Variants in RAD51B observed in about 807,000 individuals in gnomAD.
RAD51B encodes the protein RAD51 paralog B, also known as DNA repair protein RAD51 homolog 2.
In RAD51B, 38 loss-of-function variants were observed where a neutral mutation model predicts 42.2. The observed-to-expected ratio is 0.90, with a 90% CI of 0.70 to 1.18. The LOEUF is 1.18. RAD51B is among the 50% of genes most tolerant of loss of function. RAD51B has a pLI of 0.00. For missense variants in RAD51B, 373 were observed against 400.7 expected, an observed-to-expected ratio of 0.93 and a Z score of 0.59; for synonymous variants, 154 against 145.2, an observed-to-expected ratio of 1.06 and a Z score of -0.43.
In RAD51B at chr14:68,525,143, G is replaced by A. The variant is rs559401850; in HGVS notation, c.1036+56893G>A. ...AGGCAGAAAACTCAATGTCAGTAAA[G>A]CGATGTAAGAAAGACTCAATGGGCC... On this transcript the variant is annotated intron_variant, in intron 10 of 10. Transcript: ENST00000487270. Among the ~76,000 whole-genome samples the A allele has an allele frequency of 9.8e-5, 15 of 152,350 alleles. No individual in the cohort carries two copies. In the East Asian group the frequency reaches 2.7e-3, roughly 27 times the overall value.
intron 8 of RAD51B, among the ~76,000 whole-genome samples, chr14:68,315,553 A>C (rs2082040336): frequency 6.6e-6 from 1 of 151,790 alleles, no homozygotes; most frequent in Non-Finnish European, 1.5e-5. Context: ...ACAGAGTCTC[A>C]CTCTATCACC....
intron 7 of RAD51B, among the ~76,000 whole-genome samples, chr14:68,158,674 A>G (rs1168055902): frequency 6.6e-6 from 1 of 152,252 alleles, no homozygotes; most frequent in Non-Finnish European, 1.5e-5. Flanking sequence ...GTATTATAAT[A>G]GGAGTAAAAG....
At chr14:68,400,586 A>T (rs2084072516) in intron 8 of RAD51B, among the ~76,000 whole-genome samples, 1 of 152,236 alleles carries the variant, frequency 6.6e-6, no homozygotes, top group Non-Finnish European at 1.5e-5. Context: ...CAATGGGAGC[A>T]GGAAAGCAAA....
At chr14:68,050,984 T>G (rs1226696173) in intron 7 of RAD51B, among the ~76,000 whole-genome samples, 1 of 151,724 alleles carries the variant, frequency 6.6e-6, no homozygotes, top group Non-Finnish European at 1.5e-5. Context: ...AAAAATTTGA[T>G]TGGATGAGCA....
intron 7 of RAD51B, among the ~76,000 whole-genome samples, chr14:67,931,124 T>C (rs2044716534): frequency 1.3e-5 from 2 of 152,082 alleles, no homozygotes; most frequent in Admixed American, 1.3e-4. Flanking sequence ...GGTTTCACCG[T>C]GTTAGCCAGG....
intron 7 of RAD51B, among the ~76,000 whole-genome samples, chr14:67,951,164 A>C (rs545508684): frequency 6.6e-6 from 1 of 152,356 alleles, no homozygotes; most frequent in African/African-American, 2.4e-5. Flanking sequence ...TGCTCAGTGC[A>C]TGGTTGCCAC....
chr14:68,284,577 T>C (rs2081379558), intron 7 of RAD51B, among the ~76,000 whole-genome samples: 1 of 152,150 alleles, frequency 6.6e-6, no homozygotes, highest in African/African-American at 2.4e-5. Flanking sequence ...TGGCCTCTTC[T>C]CCACAAATAT....
At chr14:68,393,005 C>T (rs1177276801) in intron 8 of RAD51B, among the ~76,000 whole-genome samples, 1 of 152,228 alleles carries the variant, frequency 6.6e-6, no homozygotes, top group Non-Finnish European at 1.5e-5. Flanking sequence ...CAGCGAGTCA[C>T]TTCTCCTTCC....
At chr14:68,335,278 CAG>C (rs373760262) in intron 8 of RAD51B, among the ~76,000 whole-genome samples, 1,236 of 122,236 alleles carry the variant, frequency 0.01, 21 homozygotes, top group African/African-American at 0.036. Flanking sequence ...GCCTGGGTGA[CAG>C]AGTGAGACCC....
intron 7 of RAD51B, among the ~76,000 whole-genome samples, chr14:68,170,631 T>A (rs894023847): frequency 6.6e-6 from 1 of 152,210 alleles, no homozygotes; most frequent in African/African-American, 2.4e-5. Context: ...ATAGTTTAGC[T>A]TATATTTTAT....
chr14:68,215,031 A>T (rs2079784899), intron 7 of RAD51B, among the ~76,000 whole-genome samples: 1 of 152,244 alleles, frequency 6.6e-6, no homozygotes, highest in Non-Finnish European at 1.5e-5. Context: ...TAGGACTTTT[A>T]GGATTTAGTT....
intron 10 of RAD51B, among the ~76,000 whole-genome samples, chr14:68,496,577 G>C (rs1446649134): frequency 6.6e-6 from 1 of 152,248 alleles, no homozygotes; most frequent in Non-Finnish European, 1.5e-5. Flanking sequence ...TGATGTTCCT[G>C]GTATGTCTGC....
chr14:68,002,703 T>G (rs1429897444), intron 7 of RAD51B, among the ~76,000 whole-genome samples: 1 of 152,206 alleles, frequency 6.6e-6, no homozygotes, highest in Non-Finnish European at 1.5e-5. Context: ...TTGATTTTTG[T>G]ATATGGTGTA....
Position 68,411,548 on chromosome 14 carries a change from C to A in RAD51B, c.957+21C>A, listed in dbSNP as rs773422232. ...GACAGGTGGGTGCTTTGACAGTATTCTCTGACTATGAAGGTCGGGGAATGA... is the reference window on the plus strand; with the variant it reads ...GACAGGTGGGTGCTTTGACAGTATTATCTGACTATGAAGGTCGGGGAATGA... On this transcript the variant is annotated intron_variant, in intron 9 of 10. Transcript: ENST00000471583. The A allele has an allele frequency of 3.7e-6, 6 of 1,602,862 alleles. No individual in the cohort carries two copies. In the Admixed American group the frequency reaches 1.0e-4, roughly 27 times the overall value.
rs141187523 is a variant in RAD51B at position 68,241,535 on chromosome 14, C to T, written c.757-50349C>T. 3.3e-3 allele frequency among the ~76,000 whole-genome samples: 497 copies of T among 151,854 alleles called. 2 individuals carry two copies. The highest frequency in any genetic ancestry group is 0.011 in the African/African-American group (466 of 41,388). On this transcript the variant is annotated intron_variant, in intron 7 of 10. Coordinates refer to ENST00000471583, the MANE Select transcript of RAD51B (RefSeq NM_133510.4). ...CCAGCTGGGCGACAGAGTGAGACTC[C>T]GTCTCAAAATATAAAAAAATAAAAA...
intron 8 of RAD51B, among the ~76,000 whole-genome samples, chr14:68,357,390 C>A (rs1450417715): frequency 1.3e-5 from 2 of 152,022 alleles, no homozygotes; most frequent in African/African-American, 4.8e-5. Flanking sequence ...AGTCTTGAAC[C>A]CCTCAAAGTC....
chr14:68,609,408 C>T (rs976910856), intron 10 of RAD51B, among the ~76,000 whole-genome samples: 1 of 152,114 alleles, frequency 6.6e-6, no homozygotes, highest in African/African-American at 2.4e-5. Flanking sequence ...AGGTCCAGGC[C>T]TTCCCACAGG....
chr14:68,482,071 C>G (rs1454428606), downstream of RAD51B, among the ~76,000 whole-genome samples: 1 of 151,974 alleles, frequency 6.6e-6, no homozygotes, highest in Non-Finnish European at 1.5e-5. Flanking sequence ...AAGCTGGTAC[C>G]ACCCATGAGA....
chr14:68,626,176 T>C (rs1266480220), intron 10 of RAD51B, among the ~76,000 whole-genome samples: 1 of 152,208 alleles, frequency 6.6e-6, no homozygotes, highest in South Asian at 2.1e-4. Context: ...AGGAGGCTTA[T>C]ATACATGGCA....
Sources: allele counts gnomAD v4.1 joint callset (sites outside exome capture counted in the v4.1 genomes callset), GRCh38; gene constraint gnomAD v4.1.1; transcripts MANE v1.5; gene names NCBI Gene and HGNC (gene_info 2026-07-23, HGNC 2026-07-21).